The following MYOM1 variants were observed in gnomAD, a reference collection of about 807,000 sequenced individuals.
MYOM1 encodes the protein myomesin-1.
Under a neutral mutation model 205.3 loss-of-function variants are expected in MYOM1, and 164 were observed. The ratio of observed to expected loss-of-function variants is 0.80; its 90% CI spans 0.70 to 0.91. The LOEUF (loss-of-function observed/expected upper bound fraction) is 0.91. Among genes scored for constraint, MYOM1 ranks in the 40% least tolerant of loss-of-function variants. MYOM1 has a pLI of 0.00. For synonymous variants in MYOM1, 772 were observed against 789.4 expected (o/e 0.98, Z 0.37); for missense variants, 2,011 against 2,127.3 (o/e 0.95, Z 1.08).
At chr18:3,102,366 TAA>T in intron 23 of MYOM1, 106 bp downstream of exon 23, 1 of 1,103,808 alleles carries the variant, frequency 9.1e-7, no homozygotes, top group Non-Finnish European at 1.3e-6. Context: ...ATATAAAATA[TAA>T]GTGACTTCAT....
chr18:3,171,432 C>T (rs111765035), intron 8 of MYOM1, among the ~76,000 whole-genome samples: 2 of 152,158 alleles, frequency 1.3e-5, no homozygotes, highest in African/African-American at 2.4e-5. Context: ...CCCCTAGAAA[C>T]GGACCTAACT....
chr18:3,186,484 C>T (rs56325924), intron 5 of MYOM1, among the ~76,000 whole-genome samples: 3,116 of 152,218 alleles, frequency 0.02, 92 homozygotes, highest in African/African-American at 0.07. Flanking sequence ...ATACTTCTGC[C>T]ATCTATGGCA....
Position 3,215,010 on chromosome 18 carries a change from G to C in MYOM1, c.214C>G (p.Gln72Glu). Reference protein sequence around the residue: ...RRASASSSQQQASQHALSSEV... With the variant: ...RRASASSSQQEASQHALSSEV... ...GAGCTCAGGGCGTGCTGCGAGGCCT[G>C]CTGCTGGGAGGAGGAGGCGGACGCC... Residue 72 changes from glutamine (Q) to glutamate (E), a missense_variant, in exon 2 of 38, where the codon CAG becomes GAG. Gln to Glu is a conservative substitution (Grantham distance 29, BLOSUM62 2). Transcript: ENST00000356443. 1 of 1,612,188 alleles carries C rather than the reference G, an allele frequency of 6.2e-7. No individual in the cohort carries two copies. Among genetic ancestry groups the C allele is most frequent in the South Asian group, 1.1e-5 (1 of 90,956 alleles).
In MYOM1 at chr18:3,178,464, T is replaced by C. The variant is rs1025889307; in HGVS notation, c.930-2330A>G. Among the ~76,000 whole-genome samples the C allele has an allele frequency of 4.6e-5, 7 of 152,296 alleles. No homozygotes were observed. In the South Asian group the frequency reaches 6.2e-4, roughly 14 times the overall value. ...TCTGCATTTCATTTCTTCAGACTTG[T>C]GGACACGATCATAAGGAGGTTTGGG... On this transcript the variant is annotated intron_variant, in intron 5 of 37. Coordinates refer to ENST00000356443, the MANE Select transcript of MYOM1 (RefSeq NM_003803.4).
chr18:3,159,155 C>T (rs909402673), intron 10 of MYOM1, among the ~76,000 whole-genome samples: 8 of 152,016 alleles, frequency 5.3e-5, no homozygotes, highest in African/African-American at 1.9e-4. Context: ...ACACTGGATA[C>T]CTGTGGGTGG....
In MYOM1 at chr18:3,102,490, C is replaced by T. The variant is rs747613137; in HGVS notation, c.3559G>A (p.Glu1187Lys). Residue 1187 changes from glutamate to lysine, a missense_variant, in exon 23 of 38, where the codon GAA becomes AAA. Coordinates refer to ENST00000356443, the MANE Select transcript of MYOM1 (RefSeq NM_003803.4). The part of the protein sequence containing the change: ...STEDSPRLEV[E>K]SKGNKTKMTF... ...AGTCCTTACTTGTTGCCCTTGCTTT[C>T]GACTTCCAATCGTGGAGAGTCCTCA... 1.2e-5 allele frequency: 20 copies of T among 1,611,694 alleles called. No homozygotes were observed. The highest frequency in any genetic ancestry group is 5.5e-5 in the South Asian group (5 of 90,622).
Position 3,135,870 on chromosome 18 carries a change from A to G in MYOM1, c.2026-140T>C, listed in dbSNP as rs765166386. 1.1e-6 allele frequency: 1 copy of G among 918,028 alleles called. No homozygotes were observed. The highest frequency in any genetic ancestry group is 1.6e-6 in the Non-Finnish European group (1 of 617,980). 56.9% of individuals were successfully genotyped at this position (918,028 alleles called of 1,614,324 possible). ...GGACTGGAGGAGAGATGAGGAGGAA[A>G]TAGGGGATGAGGCATCTGAAGTTCG... On this transcript the variant is annotated intron_variant, in intron 14 of 37. Coordinates refer to ENST00000356443, the MANE Select transcript of MYOM1 (RefSeq NM_003803.4). The surrounding 1 kb of genome is among the most constrained non-coding windows in gnomAD (Gnocchi z 4.1).
chr18:3,180,617 C>T (rs372091899), intron 5 of MYOM1, among the ~76,000 whole-genome samples: 2 of 152,168 alleles, frequency 1.3e-5, no homozygotes, highest in African/African-American at 4.8e-5. Context: ...TAATCCACAC[C>T]CTGGGATTAC....
At chr18:3,172,981 G>A (rs1428814946) in intron 8 of MYOM1, among the ~76,000 whole-genome samples, 2 of 152,176 alleles carry the variant, frequency 1.3e-5, no homozygotes, top group African/African-American at 4.8e-5. Context: ...GAGCAGGTCA[G>A]CCACAGACAT....
the MYOM1 span, among the ~76,000 whole-genome samples, chr18:3,225,268 T>C: frequency 1.3e-5 from 2 of 152,242 alleles, no homozygotes; most frequent in Non-Finnish European, 2.9e-5. Context: ...ATTACAGGCG[T>C]GAGCCACCGT....
In MYOM1 at chr18:3,176,132, TACC is replaced by T; in HGVS notation, c.930-1_931del. ...GACATTTATTGGCACCTGGTTTTTA[TACC>T]TATAACAGAATGGAAACAAAATGAA... is the stretch of plus-strand genomic sequence containing the variant. On this transcript the variant is annotated splice_acceptor_variant and coding_sequence_variant, in exon 6 of 38. Transcript: ENST00000356443. LOFTEE classifies it high-confidence loss of function. The T allele has an allele frequency of 6.3e-7, 1 of 1,587,552 alleles. No homozygotes were observed. Among genetic ancestry groups the T allele is most frequent in the Non-Finnish European group, 8.6e-7 (1 of 1,156,250 alleles).
At chr18:3,128,876 C>G (rs867684657) in intron 18 of MYOM1, among the ~76,000 whole-genome samples, 27 of 152,258 alleles carry the variant, frequency 1.8e-4, no homozygotes, top group African/African-American at 6.5e-4. Flanking sequence ...ATGACTATTT[C>G]AAAGGACCTC....
chr18:3,190,138 C>T (rs1188196962), intron 3 of MYOM1, among the ~76,000 whole-genome samples: 1 of 152,162 alleles, frequency 6.6e-6, no homozygotes, highest in African/African-American at 2.4e-5. Context: ...AGTGCAATGC[C>T]TACTGTGGCA....
chr18:3,101,596 G>A (rs1347192395), intron 23 of MYOM1, among the ~76,000 whole-genome samples: 3 of 152,050 alleles, frequency 2.0e-5, no homozygotes, highest in Non-Finnish European at 4.4e-5. Context: ...ATTGTGTCAC[G>A]CATGAGTGAT....
the MYOM1 span, chr18:3,246,119 G>A: frequency 1.8e-3 from 281 of 152,476 alleles, 1 homozygote; most frequent in African/African-American, 6.5e-3. Flanking sequence ...AAGCTGAGGG[G>A]AAGACTGAAC....
chr18:3,208,303 C>T (rs377226833), intron 2 of MYOM1, among the ~76,000 whole-genome samples: 1 of 152,154 alleles, frequency 6.6e-6, no homozygotes, highest in Non-Finnish European at 1.5e-5. Context: ...CGAGCTAGCT[C>T]GGGAGTTTGA....
At chr18:3,170,503 A>T (rs1319384324) in intron 8 of MYOM1, among the ~76,000 whole-genome samples, 1 of 152,240 alleles carries the variant, frequency 6.6e-6, no homozygotes, top group Non-Finnish European at 1.5e-5. Context: ...AGTGATAAAT[A>T]TTATAAGAAA....
the MYOM1 span, among the ~76,000 whole-genome samples, chr18:3,225,847 C>T: frequency 6.6e-6 from 1 of 152,178 alleles, no homozygotes; most frequent in East Asian, 1.9e-4. Flanking sequence ...GGACAAAGAA[C>T]AGGTCAGGCA....
At chr18:3,157,717 A>C (rs1042075569) in intron 10 of MYOM1, among the ~76,000 whole-genome samples, 31 of 135,308 alleles carry the variant, frequency 2.3e-4, no homozygotes, top group African/African-American at 8.8e-4. Context: ...TAATAATAAT[A>C]ATAATAATCC....
Sources: allele counts gnomAD v4.1 joint callset (sites outside exome capture counted in the v4.1 genomes callset), GRCh38; gene constraint gnomAD v4.1.1; non-coding constraint Gnocchi (gnomAD v3.1); transcripts MANE v1.5; gene names NCBI Gene and HGNC (gene_info 2026-07-23, HGNC 2026-07-21).